The following GRM1 variants were observed in gnomAD, a reference collection of about 807,000 sequenced individuals.
The protein encoded by GRM1 is metabotropic glutamate receptor 1.
GRM1 carries 33 observed loss-of-function variants against 90.9 expected under a neutral mutation model. The observed-to-expected ratio is 0.36, with a 90% CI of 0.28 to 0.49. The LOEUF is 0.49. GRM1 is among the 20% of genes least tolerant of loss of function. GRM1 has a pLI of 0.99. For synonymous variants in GRM1, 700 were observed against 613.2 expected (o/e 1.14, Z -2.09); for missense variants, 1,190 against 1,534.3 (o/e 0.78, Z 3.75).
At chr6:146,145,357 C>G (rs971743079) in intron 1 of GRM1, among the ~76,000 whole-genome samples, 1 of 152,168 alleles carries the variant, frequency 6.6e-6, no homozygotes, top group Non-Finnish European at 1.5e-5. Flanking sequence ...GGCTGTCCCC[C>G]CATCACAGCC....
At chr6:146,194,283 T>A (rs1028895633) in intron 2 of GRM1, among the ~76,000 whole-genome samples, 1 of 152,190 alleles carries the variant, frequency 6.6e-6, no homozygotes, top group African/African-American at 2.4e-5. Flanking sequence ...TAATGACATC[T>A]TCTTTGTTGT....
intron 7 of GRM1, among the ~76,000 whole-genome samples, chr6:146,416,731 A>C (rs1478125992): frequency 6.6e-6 from 1 of 152,068 alleles, no homozygotes; most frequent in Non-Finnish European, 1.5e-5. Flanking sequence ...TCCTGTTCTG[A>C]GGGTAGAGCT....
At chr6:146,430,251 A>G (rs1202504326) in intron 7 of GRM1, among the ~76,000 whole-genome samples, 1 of 152,230 alleles carries the variant, frequency 6.6e-6, no homozygotes, top group South Asian at 2.1e-4. Context: ...AAACCAAAGC[A>G]AGATCCCGAA....
intron 1 of GRM1, among the ~76,000 whole-genome samples, chr6:146,066,849 G>A (rs1257977472): frequency 6.6e-6 from 1 of 152,126 alleles, no homozygotes; most frequent in Non-Finnish European, 1.5e-5. Context: ...ACAAATGTGG[G>A]ACATTTAGGG....
chr6:146,213,466 G>T (rs183045776), intron 2 of GRM1, among the ~76,000 whole-genome samples: 1 of 152,292 alleles, frequency 6.6e-6, no homozygotes, highest in Admixed American at 6.5e-5. Context: ...ACAGATTGAA[G>T]AAAGGGATCC....
At chr6:146,210,500 C>T (rs1380137083) in intron 2 of GRM1, among the ~76,000 whole-genome samples, 1 of 152,074 alleles carries the variant, frequency 6.6e-6, no homozygotes, top group Non-Finnish European at 1.5e-5. Context: ...GTACGGGGAA[C>T]AGAGTTGGTA....
At chr6:146,324,908 A>T (rs1017258602) in intron 3 of GRM1, among the ~76,000 whole-genome samples, 1 of 152,194 alleles carries the variant, frequency 6.6e-6, no homozygotes, top group Non-Finnish European at 1.5e-5. Flanking sequence ...AACTTAATTA[A>T]AATTTTAACT....
At chr6:146,063,584 C>A (rs534031105) in intron 1 of GRM1, among the ~76,000 whole-genome samples, 12 of 152,040 alleles carry the variant, frequency 7.9e-5, no homozygotes, top group East Asian at 1.9e-4. Context: ...ATAAAAAAAA[C>A]CAGAATTTCA....
At chr6:146,062,671 GTA>G (rs1473681828) in intron 1 of GRM1, among the ~76,000 whole-genome samples, 6 of 150,984 alleles carry the variant, frequency 4.0e-5, no homozygotes, top group South Asian at 2.1e-4. Context: ...TTTTTGTTCT[GTA>G]TTCAGGTTTC....
intron 3 of GRM1, among the ~76,000 whole-genome samples, chr6:146,335,879 G>A (rs1043962210): frequency 6.6e-6 from 1 of 152,028 alleles, no homozygotes; most frequent in Non-Finnish European, 1.5e-5. Context: ...TGAATCATGG[G>A]GGCAGATTTT....
At chr6:146,233,046 A>G in intron 2 of GRM1, among the ~76,000 whole-genome samples, 1 of 151,758 alleles carries the variant, frequency 6.6e-6, no homozygotes, top group East Asian at 1.9e-4. Flanking sequence ...TACCAATAAT[A>G]CTGTCTTTTC....
intron 3 of GRM1, among the ~76,000 whole-genome samples, chr6:146,341,208 C>A (rs1289543501): frequency 6.6e-6 from 1 of 152,064 alleles, no homozygotes; most frequent in African/African-American, 2.4e-5. Context: ...GTATGACTAA[C>A]TATGGTCTAT....
At chr6:146,255,641 CT>C (rs1224309976) in intron 2 of GRM1, among the ~76,000 whole-genome samples, 4 of 152,000 alleles carry the variant, frequency 2.6e-5, no homozygotes, top group Admixed American at 2.6e-4. Flanking sequence ...TGAATTTGTC[CT>C]CTTTCATTTT....
At chr6:146,052,773 C>T (rs1413599229) in intron 1 of GRM1, among the ~76,000 whole-genome samples, 1 of 151,986 alleles carries the variant, frequency 6.6e-6, no homozygotes, top group Non-Finnish European at 1.5e-5. Context: ...AACCCTTCCC[C>T]TTTCACTTTC....
At chr6:146,383,703 A>G (rs1173307799) in intron 5 of GRM1, among the ~76,000 whole-genome samples, 1 of 152,134 alleles carries the variant, frequency 6.6e-6, no homozygotes, top group Non-Finnish European at 1.5e-5. Context: ...CCTGATGTGC[A>G]GGAAGATAAT....
chr6:146,174,011 G>T (rs987592862), intron 2 of GRM1, among the ~76,000 whole-genome samples: 1 of 151,876 alleles, frequency 6.6e-6, no homozygotes, highest in African/African-American at 2.4e-5. Flanking sequence ...TGTCAGGTGT[G>T]CTCACATATT....
chr6:146,267,601 G>A (rs1242233702), intron 2 of GRM1, among the ~76,000 whole-genome samples: 1 of 146,476 alleles, frequency 6.8e-6, no homozygotes, highest in African/African-American at 2.5e-5. Context: ...TCCAGCATGG[G>A]AGAAAGATGT....
intron 1 of GRM1, among the ~76,000 whole-genome samples, chr6:146,149,591 A>G (rs1054542150): frequency 6.6e-6 from 1 of 152,328 alleles, no homozygotes; most frequent in African/African-American, 2.4e-5. Flanking sequence ...TAGAAAAGAA[A>G]ATACTTTAGG....
chr6:146,293,309 T>A (rs1783058437), intron 2 of GRM1, among the ~76,000 whole-genome samples: 2 of 151,966 alleles, frequency 1.3e-5, no homozygotes, highest in African/African-American at 2.4e-5. Context: ...GAATAATTTT[T>A]AAAAAAACAA....
Sources: gnomAD v4.1 joint callset for allele counts (sites outside exome capture counted in the v4.1 genomes callset) on GRCh38, gnomAD v4.1.1 for gene constraint, MANE v1.5 for transcripts, NCBI Gene and HGNC (gene_info 2026-07-23, HGNC 2026-07-21) for gene names.